Variants in RMST observed in about 807,000 individuals in gnomAD.
RMST encodes the protein rhabdomyosarcoma 2 associated transcript, also known as long intergenic non-protein coding RNA 54.
At chr12:97,548,701 T>G (rs1026113611) in intron 11 of RMST, among the ~76,000 whole-genome samples, 3 of 152,140 alleles carry the variant, frequency 2.0e-5, no homozygotes, top group Non-Finnish European at 2.9e-5. Context: ...GGTAACTTTG[T>G]ATTCTGCAGA....
chr12:97,469,357 T>C (rs1428459908), intron 5 of RMST, among the ~76,000 whole-genome samples: 1 of 152,112 alleles, frequency 6.6e-6, no homozygotes, highest in African/African-American at 2.4e-5. Flanking sequence ...TTCCTTATTA[T>C]TCAGGCCCAC....
intron 10 of RMST, among the ~76,000 whole-genome samples, chr12:97,514,094 A>G (rs1879689583): frequency 6.6e-6 from 1 of 152,222 alleles, no homozygotes; most frequent in Non-Finnish European, 1.5e-5. Flanking sequence ...TGCAGAAGGT[A>G]ACTCAGCAGA....
chr12:97,521,014 C>T (rs1317941957), intron 10 of RMST, among the ~76,000 whole-genome samples: 1 of 152,110 alleles, frequency 6.6e-6, no homozygotes, highest in East Asian at 1.9e-4. Context: ...TTTCTTGAAA[C>T]AAATCTTTAA....
chr12:97,524,080 A>G (rs1319045316), intron 10 of RMST, among the ~76,000 whole-genome samples: 1,979 of 136,628 alleles, frequency 0.014, 236 homozygotes, highest in Non-Finnish European at 0.023. Context: ...TGTCTCAAAA[A>G]AAAAAAAAAA....
chr12:97,515,343 A>G (rs1367748423), intron 10 of RMST, among the ~76,000 whole-genome samples: 1 of 152,166 alleles, frequency 6.6e-6, no homozygotes. Flanking sequence ...CACATCTATT[A>G]TAGTCTGAAT....
At position 97,495,180 on chromosome 12, in the gene RMST, G is replaced by GGGGC. The variant is rs200345259; in HGVS notation, n.1214+302_1214+303insCGGG. On this transcript the variant is annotated intron_variant and non_coding_transcript_variant, in intron 9 of 13. Transcript: ENST00000640149. Reference sequence around the variant, plus strand: ...TTATGTACATCATTATTCTTATGGGGGGGGAGCCGCTGGGAAAGGCATGCT... The same window carrying GGGGC: ...TTATGTACATCATTATTCTTATGGGGGGGCGGGGAGCCGCTGGGAAAGGCATGCT... Among the ~76,000 whole-genome samples, 307 of 150,900 alleles carry GGGGC rather than the reference G, an allele frequency of 2.0e-3. 1 individual carries two copies. The highest frequency in any genetic ancestry group is 0.012 in the South Asian group (56 of 4,740).
intron 11 of RMST, among the ~76,000 whole-genome samples, chr12:97,532,104 T>G (rs1881679211): frequency 6.6e-6 from 1 of 152,000 alleles, no homozygotes; most frequent in Non-Finnish European, 1.5e-5. Context: ...TTAACAGATT[T>G]CTAGTCTTCA....
intron 5 of RMST, among the ~76,000 whole-genome samples, chr12:97,472,109 T>C (rs1419037828): frequency 6.6e-6 from 1 of 152,160 alleles, no homozygotes; most frequent in Non-Finnish European, 1.5e-5. Context: ...GCACGAATAA[T>C]ACCATTCCAT....
chr12:97,511,743 C>A (rs187024753), intron 10 of RMST, among the ~76,000 whole-genome samples: 1 of 152,228 alleles, frequency 6.6e-6, no homozygotes, highest in East Asian at 1.9e-4. Context: ...AATGATTGAT[C>A]TACAGAGAGA....
At chr12:97,486,484 A>G (rs925630932) in intron 5 of RMST, among the ~76,000 whole-genome samples, 55 of 152,362 alleles carry the variant, frequency 3.6e-4, no homozygotes, top group Admixed American at 6.5e-4. Context: ...GGGCTGATCT[A>G]GAGAAATTGG....
intron 5 of RMST, among the ~76,000 whole-genome samples, chr12:97,468,135 T>C (rs985498302): frequency 5.9e-5 from 9 of 152,156 alleles, no homozygotes; most frequent in Admixed American, 1.3e-4. Context: ...TATCTACAGG[T>C]TTTGTATTTA....
chr12:97,532,296 C>T (rs1881701868), intron 11 of RMST, among the ~76,000 whole-genome samples: 1 of 151,908 alleles, frequency 6.6e-6, no homozygotes, highest in African/African-American at 2.4e-5. Context: ...ACATAATAGG[C>T]ATTCAGTAGG....
chr12:97,495,172 C>A (rs1303167821), intron 9 of RMST, among the ~76,000 whole-genome samples: 1 of 62,676 alleles, frequency 1.6e-5, no homozygotes. Context: ...CATCATTATT[C>A]TTATGGGGGG....
chr12:97,560,391 CAATG>C (rs1344163823), intron 11 of RMST: 2 of 152,138 alleles, frequency 1.3e-5, no homozygotes, highest in East Asian at 3.9e-4. Flanking sequence ...TTGTAAAAAG[CAATG>C]AATGTGGCAG....
chr12:97,557,525 G>T (rs931421242), intron 11 of RMST, among the ~76,000 whole-genome samples: 1 of 152,090 alleles, frequency 6.6e-6, no homozygotes, highest in Non-Finnish European at 1.5e-5. Context: ...ACACAGAATG[G>T]CTTAGCTGAT....
chr12:97,524,075 CAAAAAAAAAA>C (rs537840796), intron 10 of RMST, among the ~76,000 whole-genome samples: 956 of 56,146 alleles, frequency 0.017, 28 homozygotes, highest in African/African-American at 0.068. Flanking sequence ...GACTCTGTCT[CAAAAAAAAAA>C]AAAAAAAAAA....
intron 11 of RMST, among the ~76,000 whole-genome samples, chr12:97,538,167 G>T (rs375469127): frequency 2.0e-5 from 3 of 151,248 alleles, no homozygotes; most frequent in African/African-American, 7.3e-5. Flanking sequence ...TAATAATAAA[G>T]GTTTGATCCT....
intron 10 of RMST, among the ~76,000 whole-genome samples, chr12:97,512,375 G>C (rs527665336): frequency 9.2e-5 from 14 of 152,226 alleles, no homozygotes; most frequent in South Asian, 4.2e-4. Flanking sequence ...AAGGGGACCC[G>C]AGCCGGTTAA....
In RMST at chr12:97,515,897, T is replaced by C. The variant is rs1172469651; in HGVS notation, n.1341-14758T>C. 2.0e-5 allele frequency among the ~76,000 whole-genome samples: 3 copies of C among 152,178 alleles called. No homozygotes were observed. In the East Asian group the frequency reaches 5.8e-4, roughly 29 times the overall value. On this transcript the variant is annotated intron_variant and non_coding_transcript_variant, in intron 10 of 13. Transcript: ENST00000640149. The stretch of plus-strand genomic sequence containing the variant: ...TTGAGAAACACCAGAGAACTTACTG[T>C]GGATATTTTTAATCTATGATTGTGC...
Sources: allele counts gnomAD v4.1 joint callset (sites outside exome capture counted in the v4.1 genomes callset), GRCh38; gene constraint gnomAD v4.1.1; transcripts MANE v1.5; gene names NCBI Gene and HGNC (gene_info 2026-07-23, HGNC 2026-07-21).